ASTN2: variants seen among roughly 807,000 people sequenced by gnomAD.
ASTN2 encodes the protein astrotactin-2.
ASTN2 carries 54 observed loss-of-function variants against 139.8 expected under a neutral mutation model. The ratio of observed to expected loss-of-function variants is 0.39; its 90% CI spans 0.31 to 0.48. The LOEUF (loss-of-function observed/expected upper bound fraction) is 0.48, where lower values mean the gene tolerates loss of function less well. Ranked by LOEUF, ASTN2 falls within the 20% of genes least tolerant of loss-of-function variation. The pLI, the probability that ASTN2 is intolerant of heterozygous loss-of-function variation, is 0.95. For synonymous variants in ASTN2, 756 were observed against 719.5 expected, an observed-to-expected ratio of 1.05 and a Z score of -0.81; for missense variants, 1,565 against 1,725.1, an observed-to-expected ratio of 0.91 and a Z score of 1.64.
intron 10 of ASTN2, among the ~76,000 whole-genome samples, chr9:116,939,261 A>G (rs1282659039): frequency 6.6e-6 from 1 of 152,208 alleles, no homozygotes; most frequent in Non-Finnish European, 1.5e-5. Context: ...TAGTAGTAGT[A>G]GTAGCTATAG....
intron 11 of ASTN2, among the ~76,000 whole-genome samples, chr9:116,850,082 G>C (rs570703299): frequency 6.6e-6 from 1 of 152,206 alleles, no homozygotes; most frequent in East Asian, 1.9e-4. Context: ...CCCAAGTCCA[G>C]TGTTCTGGGG....
chr9:116,863,528 C>G (rs1473404733), intron 11 of ASTN2, 55 bp downstream of exon 11: 2 of 1,587,506 alleles, frequency 1.3e-6, no homozygotes, highest in Non-Finnish European at 1.7e-6. Context: ...GGGCTTCTAG[C>G]AGGTGGCCTT....
chr9:116,903,566 C>T (rs1366912218), intron 10 of ASTN2, among the ~76,000 whole-genome samples: 1 of 152,132 alleles, frequency 6.6e-6, no homozygotes, highest in Non-Finnish European at 1.5e-5. Context: ...TTAATAATAA[C>T]TGACACTTCT....
intron 16 of ASTN2, among the ~76,000 whole-genome samples, chr9:116,677,146 C>T (rs938203260): frequency 4.6e-5 from 7 of 152,222 alleles, no homozygotes; most frequent in African/African-American, 1.7e-4. Flanking sequence ...CTTCTTGGAA[C>T]TTGTTTTTCT....
At position 117,004,114 on chromosome 9, in the gene ASTN2, CT is replaced by C. The variant is rs550689224; in HGVS notation, c.1591+3977del. Among the ~76,000 whole-genome samples, 15 of 151,896 alleles carry C rather than the reference CT, an allele frequency of 9.9e-5. No homozygotes were observed. In the South Asian group the frequency reaches 2.7e-3, roughly 27 times the overall value. On this transcript the variant is annotated intron_variant, in intron 7 of 22. Coordinates refer to ENST00000313400, the MANE Select transcript of ASTN2 (RefSeq NM_001365068.1). ...TTTTCACATAGCTTCTCCAGTTGGGCTATTTATTTATTGATTGATTTTTGGG... is the reference window on the plus strand; with the variant it reads ...TTTTCACATAGCTTCTCCAGTTGGGCATTTATTTATTGATTGATTTTTGGG...
intron 10 of ASTN2, among the ~76,000 whole-genome samples, chr9:116,889,954 A>G (rs951514069): frequency 1.3e-5 from 2 of 152,176 alleles, no homozygotes; most frequent in African/African-American, 4.8e-5. Context: ...AAGAAAGTTT[A>G]GGAAAGAAAG....
intron 16 of ASTN2, among the ~76,000 whole-genome samples, chr9:116,694,459 C>CTTTTT (rs56666915): frequency 0.14 from 12,320 of 87,802 alleles, 1,877 homozygotes; most frequent in Middle Eastern, 0.19. Context: ...TGTAATTTCT[C>CTTTTT]TTTTTTTTTT....
chr9:116,927,649 A>C (rs11788792), intron 10 of ASTN2, among the ~76,000 whole-genome samples: 2,033 of 152,298 alleles, frequency 0.013, 24 homozygotes, highest in Non-Finnish European at 0.019. Context: ...CGGACTCCCA[A>C]GGAATGGTGG....
At chr9:116,747,949 C>T (rs866078304) in intron 13 of ASTN2, among the ~76,000 whole-genome samples, 1 of 152,114 alleles carries the variant, frequency 6.6e-6, no homozygotes, top group Non-Finnish European at 1.5e-5. Flanking sequence ...GGCCACTTCG[C>T]CCTCCATCTC....
intron 14 of ASTN2, among the ~76,000 whole-genome samples, chr9:116,731,848 G>C (rs931801879): frequency 6.6e-6 from 1 of 152,154 alleles, no homozygotes; most frequent in African/African-American, 2.4e-5. Flanking sequence ...ACAGACCGTG[G>C]ACATGTCTGC....
chr9:116,611,507 T>C (rs1855537806), intron 19 of ASTN2: 1 of 152,050 alleles, frequency 6.6e-6, no homozygotes, highest in Non-Finnish European at 1.5e-5. Context: ...CATAGCTATC[T>C]AGCCAAACTG....
intron 5 of ASTN2, among the ~76,000 whole-genome samples, chr9:117,087,277 C>CTTT (rs1828591456): frequency 1.3e-5 from 2 of 151,808 alleles, no homozygotes; most frequent in Non-Finnish European, 2.9e-5. Context: ...CTCTGATGCC[C>CTTT]AGTCTTTAGT....
At chr9:117,072,000 G>T (rs1319129106) in intron 5 of ASTN2, among the ~76,000 whole-genome samples, 1 of 152,152 alleles carries the variant, frequency 6.6e-6, no homozygotes, top group Admixed American at 6.5e-5. Flanking sequence ...AGCTGAGACC[G>T]GAGCTGTTCC....
intron 19 of ASTN2, among the ~76,000 whole-genome samples, chr9:116,598,875 C>T (rs1476132497): frequency 2.6e-5 from 4 of 152,220 alleles, no homozygotes; most frequent in East Asian, 1.9e-4. Context: ...CACACATGAA[C>T]GTTTAAAAAT....
chr9:117,301,723 G>C (rs1337112982), intron 1 of ASTN2, among the ~76,000 whole-genome samples: 1 of 152,134 alleles, frequency 6.6e-6, no homozygotes, highest in African/African-American at 2.4e-5. Flanking sequence ...TTTCATCATA[G>C]TAAAGTCCTT....
intron 7 of ASTN2, among the ~76,000 whole-genome samples, chr9:117,007,077 A>G (rs1766441216): frequency 6.6e-6 from 1 of 152,140 alleles, no homozygotes; most frequent in Admixed American, 6.5e-5. Context: ...AGATCACGCC[A>G]CTGACTCTTT....
At position 116,645,432 on chromosome 9, in the gene ASTN2, G is replaced by A. The variant is rs138032663; in HGVS notation, c.3072+6096C>T. 4.1e-3 allele frequency among the ~76,000 whole-genome samples: 630 copies of A among 152,180 alleles called. 1 individual carries two copies. Among genetic ancestry groups the A allele is most frequent in the Middle Eastern group, 0.01 (3 of 294 alleles). ...GGCTCGTTTCCAGCTTAGGCAGAAGGCATCATCTTTTCCCATGCATTCACT... is the reference window on the plus strand; with the variant it reads ...GGCTCGTTTCCAGCTTAGGCAGAAGACATCATCTTTTCCCATGCATTCACT... On this transcript the variant is annotated intron_variant, in intron 17 of 22. Transcript: ENST00000313400.
chr9:117,189,410 T>C (rs577001034), intron 3 of ASTN2, among the ~76,000 whole-genome samples: 2 of 152,128 alleles, frequency 1.3e-5, no homozygotes, highest in Non-Finnish European at 2.9e-5. Context: ...AGAAACAGAA[T>C]GTCCACATCA....
At chr9:116,896,341 T>G (rs1294760230) in intron 10 of ASTN2, among the ~76,000 whole-genome samples, 1 of 152,190 alleles carries the variant, frequency 6.6e-6, no homozygotes, top group Non-Finnish European at 1.5e-5. Context: ...AATTTTTATT[T>G]TGATTTTTTT....
Sources: allele counts gnomAD v4.1 joint callset (sites outside exome capture counted in the v4.1 genomes callset), GRCh38; gene constraint gnomAD v4.1.1; transcripts MANE v1.5; gene names NCBI Gene and HGNC (gene_info 2026-07-23, HGNC 2026-07-21).